The following AK9 variants were observed in gnomAD, a reference collection of about 807,000 sequenced individuals.
AK9 encodes the protein adenylate kinase domain containing 1.
AK9 carries 191 observed loss-of-function variants against 239.6 expected under a neutral mutation model. The ratio of observed to expected loss-of-function variants is 0.80; its 90% CI spans 0.71 to 0.90. AK9 has a LOEUF of 0.90. Ranked by LOEUF, AK9 falls within the 40% of genes least tolerant of loss-of-function variation. The pLI, the probability that AK9 is intolerant of heterozygous loss-of-function variation, is 0.00. For synonymous variants in AK9, 689 were observed against 721.0 expected (o/e 0.96, Z 0.71); for missense variants, 1,995 against 2,214.7 (o/e 0.90, Z 1.99).
At chr6:109,566,683 T>C (rs1412360769) in intron 21 of AK9, among the ~76,000 whole-genome samples, 1 of 152,092 alleles carries the variant, frequency 6.6e-6, no homozygotes, top group East Asian at 1.9e-4. Context: ...TGCAAAGGCA[T>C]ACAGAGTGGT....
At chr6:109,514,489 C>G (rs1779069258) in intron 31 of AK9, 52 bp from the exon 32 acceptor site, 4 of 1,410,618 alleles carry the variant, frequency 2.8e-6, no homozygotes, top group Non-Finnish European at 3.8e-6. Context: ...TTTTACAGCA[C>G]TTCCCTGAAA....
intron 17 of AK9, among the ~76,000 whole-genome samples, chr6:109,589,499 T>C (rs1789940049): frequency 6.6e-6 from 1 of 152,306 alleles, no homozygotes; most frequent in Middle Eastern, 3.4e-3. Context: ...TTTCTAGGTA[T>C]AGAAACATAT....
At chr6:109,559,341 G>C (rs150061410) in intron 24 of AK9, among the ~76,000 whole-genome samples, 5,438 of 151,988 alleles carry the variant, frequency 0.036, 324 homozygotes, top group African/African-American at 0.13. Context: ...CTAATTTTTT[G>C]TATTTTTAGT....
rs1776988755 is a variant in AK9, at chr6:109,495,960, A to T, written c.5316-520T>A. On this transcript the variant is annotated intron_variant, in intron 38 of 40. Coordinates refer to ENST00000424296, the MANE Select transcript of AK9 (RefSeq NM_001145128.3). ...GGTCCTTCCTGTGCATATGCATTTA[A>T]ACATCTTCATAATTCCCCATTTAAA... Among the ~76,000 whole-genome samples, 6 of 152,134 alleles carry T rather than the reference A, an allele frequency of 3.9e-5. No individual in the cohort carries two copies. The South Asian group carries it at 1.2e-3, about 32-fold the overall frequency.
chr6:109,584,209 G>C (rs1035568837), intron 19 of AK9, among the ~76,000 whole-genome samples: 1 of 152,088 alleles, frequency 6.6e-6, no homozygotes, highest in African/African-American at 2.4e-5. Flanking sequence ...ACACATATCA[G>C]TTAAACTGCT....
At chr6:109,581,624 G>A (rs985966444) in intron 19 of AK9, among the ~76,000 whole-genome samples, 1 of 152,184 alleles carries the variant, frequency 6.6e-6, no homozygotes, top group South Asian at 2.1e-4. Flanking sequence ...GCTAGCAGAA[G>A]TTGGTTCATG....
At chr6:109,656,230 A>G (rs1237371988) in intron 8 of AK9, among the ~76,000 whole-genome samples, 1 of 152,232 alleles carries the variant, frequency 6.6e-6, no homozygotes, top group South Asian at 2.1e-4. Context: ...AATCTCAGTC[A>G]TCATACTTTT....
chr6:109,592,769 G>C (rs1790457851), intron 17 of AK9, among the ~76,000 whole-genome samples: 1 of 145,562 alleles, frequency 6.9e-6, no homozygotes, highest in Non-Finnish European at 1.5e-5. Context: ...TAAGTGATTA[G>C]ATGCTTCTCT....
intron 24 of AK9, among the ~76,000 whole-genome samples, chr6:109,562,055 T>C (rs1015886605): frequency 3.6e-4 from 55 of 152,310 alleles, no homozygotes; most frequent in African/African-American, 1.3e-3. Flanking sequence ...TACTGTAGCA[T>C]TTTGGATTTC....
rs1426981574 is a variant in AK9 at position 109,506,480 on chromosome 6, T to C, written c.4696A>G (p.Ile1566Val). 23 of 1,613,474 alleles carry C rather than the reference T, an allele frequency of 1.4e-5. No homozygotes were observed. The highest frequency in any genetic ancestry group is 1.8e-5 in the Non-Finnish European group (21 of 1,179,716). ...AVNNVKYRKN[I>V]GEIRQYYQEQ... ...TGATAATATTGCCTAATCTCACCAA[T>C]ATTTTTGCGATACTTTACATTATTG... The change falls in exon 35 of 41, where the codon ATT (isoleucine) becomes GTT (valine). Residue 1566 changes from isoleucine (I) to valine (V), a missense_variant. By Grantham distance (29) the Ile-to-Val change is conservative (BLOSUM62 3). This residue lies in a region of AK9 where 391 missense variants were observed against 456.0 expected (regional missense o/e 0.86). Coordinates refer to ENST00000424296, the MANE Select transcript of AK9 (RefSeq NM_001145128.3).
At chr6:109,647,683 G>A (rs1188464231) in intron 8 of AK9, among the ~76,000 whole-genome samples, 1 of 152,120 alleles carries the variant, frequency 6.6e-6, no homozygotes, top group Admixed American at 6.6e-5. Context: ...AGATCAACGA[G>A]ACAGAAAGTT....
chr6:109,682,942 C>CA (rs1270385032), intron 1 of AK9, among the ~76,000 whole-genome samples: 2 of 151,952 alleles, frequency 1.3e-5, no homozygotes, highest in Non-Finnish European at 2.9e-5. Flanking sequence ...AGAGACACAA[C>CA]AAAAAAAGAA....
chr6:109,554,053 A>G (rs952199319), intron 24 of AK9, among the ~76,000 whole-genome samples: 1 of 152,184 alleles, frequency 6.6e-6, no homozygotes, highest in African/African-American at 2.4e-5. Context: ...GATGAAGCCA[A>G]CTTGATCATG....
At position 109,539,150 on chromosome 6, in the gene AK9, C is replaced by T. The variant is rs1782480793; in HGVS notation, c.3350+2897G>A. Among the ~76,000 whole-genome samples, 3 of 152,154 alleles carry T rather than the reference C, an allele frequency of 2.0e-5. No individual in the cohort carries two copies. The South Asian group carries it at 6.2e-4, about 32-fold the overall frequency. ...GTATTTCCTGAATTTGAATGTTGGC[C>T]TGCCTTGCTAGGTTGGGGAAATTCT... On this transcript the variant is annotated intron_variant, in intron 27 of 40. Transcript: ENST00000424296.
At chr6:109,531,846 C>T (rs115147410) in intron 28 of AK9, among the ~76,000 whole-genome samples, 2,240 of 152,316 alleles carry the variant, frequency 0.015, 59 homozygotes, top group African/African-American at 0.051. Flanking sequence ...TCCCACGTCT[C>T]CCTCCTCACA....
At chr6:109,498,006 G>A in intron 36 of AK9, 41 bp from the exon 37 acceptor site, 1 of 1,603,822 alleles carries the variant, frequency 6.2e-7, no homozygotes, top group East Asian at 2.2e-5. Context: ...ATTTAAACCA[G>A]AAATGCTATG....
chr6:109,597,886 C>T (rs1048309862), intron 17 of AK9, among the ~76,000 whole-genome samples: 4 of 151,996 alleles, frequency 2.6e-5, no homozygotes, highest in Non-Finnish European at 4.4e-5. Context: ...ACTTGAGAAA[C>T]CCAGTGCCTA....
intron 20 of AK9, among the ~76,000 whole-genome samples, chr6:109,577,443 CT>C (rs201111888): frequency 0.031 from 4,426 of 144,964 alleles, 103 homozygotes; most frequent in East Asian, 0.11. Flanking sequence ...GGTCTGGTTC[CT>C]TTTTTTTTTA....
At chr6:109,630,521 T>G (rs1795996075) in intron 12 of AK9, among the ~76,000 whole-genome samples, 1 of 152,174 alleles carries the variant, frequency 6.6e-6, no homozygotes. Flanking sequence ...CAATGTAGTA[T>G]TGGCAAAATA....
Sources: gnomAD v4.1 joint callset for allele counts (sites outside exome capture counted in the v4.1 genomes callset) on GRCh38, gnomAD v4.1.1 for gene constraint, gnomAD v4.1.1 regional missense constraint, MANE v1.5 for transcripts, NCBI Gene and HGNC (gene_info 2026-07-23, HGNC 2026-07-21) for gene names.